The following SPECC1 variants were observed in gnomAD, a reference collection of about 807,000 sequenced individuals.
The protein encoded by SPECC1 is cytospin-B.
SPECC1 carries 62 observed loss-of-function variants against 104.1 expected under a neutral mutation model. The ratio of observed to expected loss-of-function variants is 0.60; its 90% CI spans 0.49 to 0.74. SPECC1 has a LOEUF of 0.74. Among genes scored for constraint, SPECC1 ranks in the 30% least tolerant of loss-of-function variants. SPECC1 has a pLI of 0.00. For synonymous variants in SPECC1, 513 were observed against 501.6 expected, an observed-to-expected ratio of 1.02 and a Z score of -0.30; for missense variants, 1,306 against 1,310.5, an observed-to-expected ratio of 1.00 and a Z score of 0.05.
intron 3 of SPECC1, among the ~76,000 whole-genome samples, chr17:20,134,149 A>C (rs1209453188): frequency 6.6e-6 from 1 of 150,660 alleles, no homozygotes; most frequent in Admixed American, 6.6e-5. Flanking sequence ...TATATATTAT[A>C]TATTCCCTAT....
At position 20,306,271 on chromosome 17, in the gene SPECC1, G is replaced by A. The variant is rs79120706; in HGVS notation, c.3117+189G>A. The stretch of plus-strand genomic sequence containing the variant: ...ACATATGATTTAGAGATTTTCAATC[G>A]CATAAGATTTCATATGGACAAATTT... On this transcript the variant is annotated intron_variant, in intron 14 of 14. Transcript: ENST00000395527. The A allele has an allele frequency of 0.01, 5,356 of 520,656 alleles. 270 individuals are homozygous for A. The East Asian group carries it at 0.12, about 11-fold the overall frequency. 32.3% of individuals were successfully genotyped at this position (520,656 alleles called of 1,614,324 possible). A position where few individuals can be genotyped will look rare whatever the true frequency, so the allele number is the denominator to read the frequency against.
chr17:20,242,516 G>T lies in SPECC1; in HGVS notation c.2352-3410G>T, dbSNP rs191856669. Among the ~76,000 whole-genome samples, 449 of 152,306 alleles carry T rather than the reference G, an allele frequency of 2.9e-3. 17 individuals are homozygous for T. In the East Asian group the frequency reaches 0.084, roughly 28 times the overall value. ...ACTGTTGTTCTCTAGTATCTGGCCT[G>T]CAACTGTTGTTCTCTAGTATGGGTT... On this transcript the variant is annotated intron_variant, in intron 7 of 14. Transcript: ENST00000395527.
intron 12 of SPECC1, among the ~76,000 whole-genome samples, chr17:20,292,697 C>A (rs1046439982): frequency 6.6e-6 from 1 of 152,122 alleles, no homozygotes; most frequent in African/African-American, 2.4e-5. Flanking sequence ...ACTTTGAAGC[C>A]AAGAGTCCAC....
At chr17:20,189,571 T>C (rs2035516419) in intron 3 of SPECC1, among the ~76,000 whole-genome samples, 1 of 152,242 alleles carries the variant, frequency 6.6e-6, no homozygotes, top group East Asian at 1.9e-4. Flanking sequence ...TCAGAAACAC[T>C]GAGGCTTTGT....
intron 1 of SPECC1, among the ~76,000 whole-genome samples, chr17:20,048,238 A>T (rs2045613091): frequency 6.7e-6 from 1 of 149,602 alleles, no homozygotes; most frequent in Non-Finnish European, 1.5e-5. Context: ...GGTTCACGCC[A>T]TTCTCCTGCC....
chr17:20,257,151 C>T (rs536676865), intron 10 of SPECC1, among the ~76,000 whole-genome samples: 47 of 152,236 alleles, frequency 3.1e-4, no homozygotes, highest in African/African-American at 1.0e-3. Flanking sequence ...GGGCTGGCTT[C>T]GTTGGCACTT....
chr17:20,215,018 A>T (rs1307650774), intron 4 of SPECC1, among the ~76,000 whole-genome samples: 1 of 152,224 alleles, frequency 6.6e-6, no homozygotes, highest in African/African-American at 2.4e-5. Flanking sequence ...TGCTGGAGCT[A>T]ACAAGGATAC....
At chr17:20,061,324 G>A (rs1385390218) in intron 1 of SPECC1, among the ~76,000 whole-genome samples, 3 of 152,122 alleles carry the variant, frequency 2.0e-5, no homozygotes, top group East Asian at 3.8e-4. Flanking sequence ...CACTCACCTC[G>A]GCCTCCCAAA....
intron 1 of SPECC1, among the ~76,000 whole-genome samples, chr17:20,046,860 G>A (rs1327890528): frequency 1.4e-5 from 2 of 141,286 alleles, no homozygotes; most frequent in African/African-American, 2.6e-5. Flanking sequence ...GGATCCGGAG[G>A]GCACGTGGGG....
chr17:20,153,836 A>G (rs1362166064), intron 3 of SPECC1, among the ~76,000 whole-genome samples: 2 of 152,176 alleles, frequency 1.3e-5, no homozygotes, highest in East Asian at 3.9e-4. Flanking sequence ...TTTTGGAACT[A>G]TTTGGGGAAG....
intron 1 of SPECC1, among the ~76,000 whole-genome samples, chr17:20,015,299 T>A (rs1432564766): frequency 8.0e-6 from 1 of 124,946 alleles, no homozygotes; most frequent in East Asian, 2.0e-4. Context: ...TTTAATTTAA[T>A]TTTTTTTTTT....
rs536014967 is a variant in SPECC1 at position 20,104,859 on chromosome 17, A to G, written c.148-5568A>G. ...TGGCTCACAGGTTGCCCGATTCCTA[A>G]TACAGCATGGTACTTCATGCCCTCC... On this transcript the variant is annotated intron_variant, in intron 2 of 14. Transcript: ENST00000395527. 6.6e-5 allele frequency among the ~76,000 whole-genome samples: 10 copies of G among 151,948 alleles called. No homozygotes were observed. In the South Asian group the frequency reaches 2.1e-3, roughly 32 times the overall value.
In SPECC1 at chr17:20,281,523, G is replaced by A. The variant is rs191888646; in HGVS notation, c.2941-15438G>A. Among the ~76,000 whole-genome samples, 530 of 152,288 alleles carry A rather than the reference G, an allele frequency of 3.5e-3. 2 individuals are homozygous for A. Among genetic ancestry groups the A allele is most frequent in the Admixed American group, 5.4e-3 (83 of 15,300 alleles). ...TGGAGGGCTTTGGAAATGTTTGTGT[G>A]GACTCTACTCCCAGCCTCGAGGGCT... On this transcript the variant is annotated intron_variant, in intron 12 of 14. Coordinates refer to ENST00000395527, the MANE Select transcript of SPECC1 (RefSeq NM_001243439.2).
At chr17:20,238,545 A>T (rs867014877) in intron 7 of SPECC1, 1 of 1,042,586 alleles carries the variant, frequency 9.6e-7, no homozygotes. Flanking sequence ...CTTTAAACTC[A>T]GGAAGATCTT....
intron 3 of SPECC1, among the ~76,000 whole-genome samples, chr17:20,129,563 G>A (rs1449541540): frequency 1.3e-5 from 2 of 152,012 alleles, no homozygotes; most frequent in African/African-American, 4.8e-5. Flanking sequence ...TATTGGATAT[G>A]TGGTCTGCAA....
intron 13 of SPECC1, among the ~76,000 whole-genome samples, chr17:20,305,368 A>G (rs1598174882): frequency 6.6e-6 from 1 of 152,310 alleles, no homozygotes; most frequent in South Asian, 2.1e-4. Flanking sequence ...TAGAAGTTCA[A>G]GGATATTATT....
At chr17:20,235,201 C>G (rs2038835986) in intron 7 of SPECC1, among the ~76,000 whole-genome samples, 1 of 152,136 alleles carries the variant, frequency 6.6e-6, no homozygotes, top group Admixed American at 6.5e-5. Flanking sequence ...TAGAGTTATT[C>G]TGGTGCAATG....
At chr17:20,258,449 C>T (rs894193501) in intron 11 of SPECC1, among the ~76,000 whole-genome samples, 1 of 152,196 alleles carries the variant, frequency 6.6e-6, no homozygotes, top group Admixed American at 6.5e-5. Context: ...TTCCTCTCCC[C>T]TTGTGACTTC....
At chr17:20,013,342 T>G (rs2044005187) in intron 1 of SPECC1, among the ~76,000 whole-genome samples, 1 of 152,240 alleles carries the variant, frequency 6.6e-6, no homozygotes, top group Non-Finnish European at 1.5e-5. Context: ...AATTTCAGTT[T>G]CCATACATCC....
Sources: gnomAD v4.1 joint callset for allele counts (sites outside exome capture counted in the v4.1 genomes callset) on GRCh38, gnomAD v4.1.1 for gene constraint, MANE v1.5 for transcripts, NCBI Gene and HGNC (gene_info 2026-07-23, HGNC 2026-07-21) for gene names.